Variants in PLEC observed in about 807,000 individuals in gnomAD.
PLEC encodes the protein hemidesmosomal protein 1.
In PLEC, 216 loss-of-function variants were observed where a neutral mutation model predicts 392.8. That is an observed-to-expected ratio of 0.55 (90% CI 0.49 to 0.62). PLEC has a LOEUF of 0.62. PLEC is among the 20% of genes least tolerant of loss of function. The pLI is 0.00. For missense variants in PLEC, 6,863 were observed against 6,563.4 expected, an observed-to-expected ratio of 1.05 and a Z score of -1.58; for synonymous variants, 3,621 against 2,980.6, an observed-to-expected ratio of 1.21 and a Z score of -7.00.
chr8:143,952,785 C>A (rs1554737726), upstream of PLEC, among the ~76,000 whole-genome samples: 1 of 152,208 alleles, frequency 6.6e-6, no homozygotes, highest in African/African-American at 2.4e-5. Flanking sequence ...CGCCACCCAA[C>A]CAGCCCCGCC....
At chr8:143,954,719 G>A (rs1267320478), upstream of PLEC, among the ~76,000 whole-genome samples, 1 of 152,200 alleles carries the variant, frequency 6.6e-6, no homozygotes, top group Non-Finnish European at 1.5e-5. This position sits in a 1 kb window ranked among gnomAD's most constrained non-coding sequence, Gnocchi z 4.6. Context: ...CACTCACTGC[G>A]CTGCAGGGGG....
chr8:143,966,647 G>A (rs1253557184), intron 1 of PLEC, among the ~76,000 whole-genome samples: 2 of 152,184 alleles, frequency 1.3e-5, no homozygotes, highest in Admixed American at 6.5e-5. Context: ...GGCGGGGCTC[G>A]GCTGGGGGGG....
At chr8:143,966,730 C>A (rs1038204890) in intron 1 of PLEC, among the ~76,000 whole-genome samples, 3 of 152,146 alleles carry the variant, frequency 2.0e-5, no homozygotes, top group African/African-American at 7.2e-5. Context: ...CAGGGCTCGG[C>A]TCGGGGGCAC....
Position 143,927,263 on chromosome 8 carries a change from T to C in PLEC, c.3829A>G (p.Asn1277Asp), listed in dbSNP as rs1481708250. The change falls in exon 28 of 32, where the codon AAC (asparagine) becomes GAC (aspartate). Residue 1277 changes from asparagine (N) to aspartate (D), a missense_variant. Asn to Asp is a conservative substitution (Grantham distance 23). Transcript: ENST00000345136. ...ECQRFAKQYI[N>D]AIKDYELQLV... ...CGGCTGGGCCTCACCTTGATGGCGT[T>C]GATGTACTGTTTCGCAAACCTCTGG... 3 of 1,613,062 alleles carry C rather than the reference T, an allele frequency of 1.9e-6. No homozygotes were observed. The highest frequency in any genetic ancestry group is 2.2e-5 in the East Asian group (1 of 44,886).
chr8:143,938,592 C>T, intron 2 of PLEC, 39 bp downstream of exon 2: 3 of 1,604,644 alleles, frequency 1.9e-6, no homozygotes, highest in Non-Finnish European at 2.6e-6. Flanking sequence ...CCTCCCACAG[C>T]CTCAGCCCCT....
chr8:143,933,887 C>A (rs1319504213), intron 12 of PLEC, 111 bp downstream of exon 12: 4 of 923,272 alleles, frequency 4.3e-6, no homozygotes, highest in East Asian at 2.6e-5. Context: ...CCTGCCCCTG[C>A]CCCTGCCCCA....
At chr8:143,939,988 C>A (rs1002707023), upstream of PLEC, among the ~76,000 whole-genome samples, 4 of 152,226 alleles carry the variant, frequency 2.6e-5, no homozygotes, top group Non-Finnish European at 4.4e-5. Flanking sequence ...CTGGGCCAGG[C>A]CCTGCTTCAG....
chr8:143,930,597 A>AC lies in PLEC; in HGVS notation c.2305-62dup, dbSNP rs1482970225. On this transcript the variant is annotated intron_variant, in intron 19 of 31. Coordinates refer to ENST00000345136, the MANE Select transcript of PLEC (RefSeq NM_201384.3). ...GGAGACCCACAGGCCTGCCCCAGGC[A>AC]CCCCCAGACCCCGGGACCAGGCCTG... is the stretch of plus-strand genomic sequence containing the variant. 4 of 1,530,200 alleles carry AC rather than the reference A, an allele frequency of 2.6e-6. No homozygotes were observed. In the African/African-American group the frequency reaches 5.5e-5, roughly 21 times the overall value. 94.8% of individuals were successfully genotyped at this position (1,530,200 alleles called of 1,614,324 possible).
chr8:143,938,448 AGAG>A (rs781950725), intron 2 of PLEC, 180 bp downstream of exon 2: 3 of 1,542,668 alleles, frequency 1.9e-6, no homozygotes, highest in Non-Finnish European at 2.6e-6. Flanking sequence ...ACCAGAAGGA[AGAG>A]GAGGAAGAGA....
chr8:143,921,070 G>A lies in PLEC; in HGVS notation c.8751C>T (p.Phe2917=), dbSNP rs782205841. The change falls in exon 32 of 32, where the codon TTC becomes TTT. Residue 2917 remains phenylalanine, a synonymous_variant. Transcript: ENST00000345136. ...CCCAAATGGTCACCGTCTTGCCCTGGAACTTGCCGAACGGCGCAGACACGG... is the reference window on the plus strand; with the variant it reads ...CCCAAATGGTCACCGTCTTGCCCTGAAACTTGCCGAACGGCGCAGACACGG... ...KATVSAPFGK[F]QGKTVTIWEI... 1.9e-6 allele frequency: 3 copies of A among 1,611,850 alleles called. No individual in the cohort carries two copies. The highest frequency in any genetic ancestry group is 1.1e-5 in the South Asian group (1 of 91,084).
chr8:143,919,477 G>A lies in PLEC; in HGVS notation c.10344C>T (p.Phe3448=). The A allele has an allele frequency of 6.2e-7, 1 of 1,613,252 alleles. No individual in the cohort carries two copies. The highest frequency in any genetic ancestry group is 2.2e-5 in the East Asian group (1 of 44,870). ...GAACCAGGCCCTTCTGCATGGCCTGGAAGAGGGAGATGGTGCTGCCCGAGT... is the reference window on the plus strand; with the variant it reads ...GAACCAGGCCCTTCTGCATGGCCTGAAAGAGGGAGATGGTGCTGCCCGAGT... ...DPYSGSTISL[F]QAMQKGLVLR... is the part of the protein sequence containing the mutation. Residue 3448 remains phenylalanine, a synonymous_variant, in exon 32 of 32, where the codon TTC becomes TTT. Transcript: ENST00000345136.
upstream of PLEC, among the ~76,000 whole-genome samples, chr8:143,958,433 G>T (rs115544972): frequency 6.6e-6 from 1 of 152,100 alleles, no homozygotes; most frequent in Admixed American, 6.5e-5. This position sits in a 1 kb window ranked among gnomAD's most constrained non-coding sequence, Gnocchi z 4.9. Flanking sequence ...ACCAATTTGC[G>T]GGGAAGGTCC....
In PLEC at chr8:143,921,047, C is replaced by G; in HGVS notation, c.8774G>C (p.Trp2925Ser). ...GAAGTATTCCGAGTTGATGATCTCC[C>G]AAATGGTCACCGTCTTGCCCTGGAA... ...GKFQGKTVTIWEIINSEYFTA... is the reference protein window; with the variant it reads ...GKFQGKTVTISEIINSEYFTA... Residue 2925 changes from tryptophan to serine, a missense_variant, in exon 32 of 32, where the codon TGG becomes TCG. Physicochemically the swap from Trp to Ser is radical, Grantham distance 177. Transcript: ENST00000345136. The G allele has an allele frequency of 6.2e-7, 1 of 1,612,498 alleles. No individual in the cohort carries two copies. Among genetic ancestry groups the G allele is most frequent in the South Asian group, 1.1e-5 (1 of 91,090 alleles).
rs202190540 is a variant in PLEC, at chr8:143,924,007, C to A, written c.5922G>T (p.Gln1974His). The change falls in exon 31 of 32, where the codon CAG becomes CAT. Residue 1974 changes from glutamine to histidine, a missense_variant. Gln to His is a conservative substitution (Grantham distance 24). Transcript: ENST00000345136. ...QAELEAARQR[Q>H]LAAEEERRRR... ...GCCGCCGCTCCTCCTCCGCCGCCAGCTGCCGCTGCCTCGCAGCCTCCAGCT... is the reference window on the plus strand; with the variant it reads ...GCCGCCGCTCCTCCTCCGCCGCCAGATGCCGCTGCCTCGCAGCCTCCAGCT... 92 of 1,586,822 alleles carry A rather than the reference C, an allele frequency of 5.8e-5. No homozygotes were observed. The South Asian group carries it at 5.9e-4, about 10-fold the overall frequency.
intron 1 of PLEC, among the ~76,000 whole-genome samples, chr8:143,949,917 GA>G (rs1193324362): frequency 6.6e-6 from 1 of 152,168 alleles, no homozygotes; most frequent in Admixed American, 6.5e-5. Context: ...GGAGAGAGGG[GA>G]GGGGGCGCCC....
In PLEC at chr8:143,938,454, G is replaced by A. The variant is rs1009919308; in HGVS notation, c.174+177C>T. 13 of 1,544,268 alleles carry A rather than the reference G, an allele frequency of 8.4e-6. No homozygotes were observed. In the Admixed American group the frequency reaches 1.9e-4, roughly 23 times the overall value. On this transcript the variant is annotated intron_variant, in intron 2 of 31. Transcript: ENST00000345136. ...CCAGGAAAGACCAGAAGGAAGAGGA[G>A]GAAGAGAGAGGCAGGAGCAGGCGTA...
At chr8:143,945,837 C>T (rs1475358627) in intron 1 of PLEC, among the ~76,000 whole-genome samples, 2 of 152,244 alleles carry the variant, frequency 1.3e-5, no homozygotes, top group African/African-American at 4.8e-5. Context: ...GCTCTCCAGC[C>T]CCACACCTCA....
chr8:143,945,903 C>G (rs572296959), intron 1 of PLEC, among the ~76,000 whole-genome samples: 1 of 152,246 alleles, frequency 6.6e-6, no homozygotes, highest in Non-Finnish European at 1.5e-5. Flanking sequence ...GGCCAGGGGT[C>G]GGGCGGGCCC....
At position 143,921,008 on chromosome 8, in the gene PLEC, C is replaced by T. The variant is rs782476289; in HGVS notation, c.8813G>A (p.Arg2938Gln). 18 of 1,613,080 alleles carry T rather than the reference C, an allele frequency of 1.1e-5. No homozygotes were observed. Among genetic ancestry groups the T allele is most frequent in the Admixed American group, 5.0e-5 (3 of 60,008 alleles). The part of the protein sequence containing the change: ...INSEYFTAEQ[R>Q]RDLLRQFRTG... The stretch of plus-strand genomic sequence containing the variant: ...GCGGAACTGCCGCAGCAGGTCCCGC[C>T]GCTGCTCTGCCGTGAAGTATTCCGA... Residue 2938 changes from arginine (R) to glutamine (Q), a missense_variant, in exon 32 of 32, where the codon CGG becomes CAG. Physicochemically the swap from Arg to Gln is conservative, Grantham distance 43 (BLOSUM62 1). Transcript: ENST00000345136.
Sources: allele counts gnomAD v4.1 joint callset (sites outside exome capture counted in the v4.1 genomes callset), GRCh38; gene constraint gnomAD v4.1.1; non-coding constraint Gnocchi (gnomAD v3.1); transcripts MANE v1.5; gene names NCBI Gene and HGNC (gene_info 2026-07-23, HGNC 2026-07-21).